The following SPTLC2 variants were observed in gnomAD, a reference collection of about 807,000 sequenced individuals.
SPTLC2 encodes the protein serine palmitoyltransferase long chain base subunit 2.
SPTLC2 carries 21 observed loss-of-function variants against 62.0 expected under a neutral mutation model. That is an observed-to-expected ratio of 0.34 (90% CI 0.24 to 0.49). The LOEUF is 0.49. SPTLC2 is among the 20% of genes least tolerant of loss of function. The pLI, the probability that SPTLC2 is intolerant of heterozygous loss-of-function variation, is 0.99. For missense variants in SPTLC2, 511 were observed against 713.0 expected (o/e 0.72, Z 3.23); for synonymous variants, 261 against 261.8 (o/e 1.00, Z 0.03).
chr14:77,581,230 G>C (rs763193974), intron 2 of SPTLC2, among the ~76,000 whole-genome samples: 16 of 152,134 alleles, frequency 1.1e-4, no homozygotes, highest in Non-Finnish European at 1.9e-4. Context: ...GCCTTATTCT[G>C]TAAAAGATTT....
At chr14:77,540,018 G>A (rs1278474004) in intron 9 of SPTLC2, among the ~76,000 whole-genome samples, 4 of 151,960 alleles carry the variant, frequency 2.6e-5, no homozygotes, top group African/African-American at 4.8e-5. Context: ...CCAACATGAA[G>A]AAACCCTGTC....
intron 9 of SPTLC2, among the ~76,000 whole-genome samples, chr14:77,540,634 C>G (rs1173016124): frequency 2.0e-5 from 3 of 152,068 alleles, no homozygotes; most frequent in Non-Finnish European, 4.4e-5. Context: ...GCCACCACAC[C>G]TGGCTAATTT....
chr14:77,571,508 C>CA (rs71128649), intron 4 of SPTLC2, among the ~76,000 whole-genome samples: 36,551 of 132,286 alleles, frequency 0.28, 5,039 homozygotes, highest in South Asian at 0.37. Context: ...GACTCTGACT[C>CA]AAAAAAAAAA....
At chr14:77,548,132 A>G (rs1213647784) in intron 9 of SPTLC2, among the ~76,000 whole-genome samples, 3 of 152,146 alleles carry the variant, frequency 2.0e-5, no homozygotes, top group African/African-American at 7.2e-5. Flanking sequence ...GCGTTCTGAC[A>G]TTATTTAAAA....
intron 6 of SPTLC2, among the ~76,000 whole-genome samples, chr14:77,558,626 GTT>G (rs11412876): frequency 7.0e-6 from 1 of 143,728 alleles, no homozygotes. Context: ...CAGTTTTTTT[GTT>G]TTTTTTTTTT....
At chr14:77,589,934 T>C (rs764535702) in intron 2 of SPTLC2, among the ~76,000 whole-genome samples, 2 of 147,584 alleles carry the variant, frequency 1.4e-5, no homozygotes, top group African/African-American at 5.1e-5. Context: ...GCTGAGATCA[T>C]GCGATTGCAC....
In SPTLC2 at chr14:77,576,973, A is replaced by G. The variant is rs75555387; in HGVS notation, c.483-58T>C. On this transcript the variant is annotated intron_variant, in intron 3 of 11. Coordinates refer to ENST00000216484, the MANE Select transcript of SPTLC2 (RefSeq NM_004863.4). ...ATGAGCAAAAAAGTACTTACATGTA[A>G]TATTAAATGAACTGGTGACACAAAA... 1,226 of 1,594,248 alleles carry G rather than the reference A, an allele frequency of 7.7e-4. 12 individuals are homozygous for G. In the African/African-American group the frequency reaches 0.014, roughly 18 times the overall value.
At chr14:77,615,484 T>C (rs1334624968) in intron 1 of SPTLC2, among the ~76,000 whole-genome samples, 2 of 152,220 alleles carry the variant, frequency 1.3e-5, no homozygotes, top group African/African-American at 4.8e-5. Flanking sequence ...TAAGCGTTCC[T>C]TAATATCTGT....
At chr14:77,613,634 T>G (rs1415153594) in intron 1 of SPTLC2, among the ~76,000 whole-genome samples, 1 of 152,208 alleles carries the variant, frequency 6.6e-6, no homozygotes, top group East Asian at 1.9e-4. Context: ...TCCTAGACGT[T>G]TCTGACTTCT....
chr14:77,592,821 G>C (rs1405831270), intron 2 of SPTLC2, among the ~76,000 whole-genome samples: 1 of 152,020 alleles, frequency 6.6e-6, no homozygotes, highest in Non-Finnish European at 1.5e-5. Context: ...ACTTATAAGT[G>C]AGAACAGGCT....
At chr14:77,567,064 G>A (rs1418277585) in intron 5 of SPTLC2, among the ~76,000 whole-genome samples, 2 of 151,660 alleles carry the variant, frequency 1.3e-5, no homozygotes, top group Non-Finnish European at 2.9e-5. Flanking sequence ...TCCGCCTCCC[G>A]GGTTCACGCC....
chr14:77,554,304 C>T (rs1469099844), intron 8 of SPTLC2, among the ~76,000 whole-genome samples: 1 of 152,144 alleles, frequency 6.6e-6, no homozygotes, highest in East Asian at 1.9e-4. Context: ...CGTTTTAAAG[C>T]ACAATTCAGT....
At chr14:77,570,651 A>T in intron 4 of SPTLC2, 143 bp from the exon 5 acceptor site, 19 of 917,842 alleles carry the variant, frequency 2.1e-5, no homozygotes, top group South Asian at 2.9e-5. Flanking sequence ...ATGAAGAGTA[A>T]TATTCTTCAT....
rs74063297 is a variant in SPTLC2 at position 77,555,293 on chromosome 14, C to T, written c.1176+7G>A. On this transcript the variant is annotated splice_region_variant and intron_variant, in intron 8 of 11. Coordinates refer to ENST00000216484, the MANE Select transcript of SPTLC2 (RefSeq NM_004863.4). ...TCTCTAATCGCTCATTCTCATGGCTCGTTTACCTTCTTGCCTCCAATATAT... is the reference window on the plus strand; with the variant it reads ...TCTCTAATCGCTCATTCTCATGGCTTGTTTACCTTCTTGCCTCCAATATAT... 1,152 of 1,614,040 alleles carry T rather than the reference C, an allele frequency of 7.1e-4. 10 individuals are homozygous for T. The African/African-American group carries it at 0.013, about 18-fold the overall frequency.
In SPTLC2 at chr14:77,564,265, GGAA is replaced by G. The variant is rs1448739183; in HGVS notation, c.757-1779_757-1777del. On this transcript the variant is annotated intron_variant, in intron 5 of 11. Coordinates refer to ENST00000216484, the MANE Select transcript of SPTLC2 (RefSeq NM_004863.4). ...AAAAAAAAAAAAAGGAGGAGGAGGA[GGAA>G]GAGGAGGAAGAGGAGGAAAAGGAGG... Among the ~76,000 whole-genome samples the G allele has an allele frequency of 2.7e-3, 386 of 140,490 alleles. 3 individuals carry two copies. Among genetic ancestry groups the G allele is most frequent in the Admixed American group, 4.7e-3 (64 of 13,760 alleles). 92.2% of individuals were successfully genotyped at this position (140,490 alleles called of 152,430 possible).
chr14:77,591,750 T>A (rs2079818814), intron 2 of SPTLC2, among the ~76,000 whole-genome samples: 1 of 149,986 alleles, frequency 6.7e-6, no homozygotes, highest in Admixed American at 6.7e-5. Flanking sequence ...TTAGACGGAG[T>A]TTCTCTCTTG....
chr14:77,575,347 A>G (rs1339680517), intron 4 of SPTLC2, among the ~76,000 whole-genome samples: 2 of 152,190 alleles, frequency 1.3e-5, no homozygotes, highest in Non-Finnish European at 2.9e-5. Context: ...CAGAGTTGCT[A>G]TGGAAGATTA....
chr14:77,611,916 AT>A (rs756603996), intron 1 of SPTLC2, among the ~76,000 whole-genome samples: 1 of 151,638 alleles, frequency 6.6e-6, no homozygotes, highest in Non-Finnish European at 1.5e-5. Context: ...AGTAAAAATT[AT>A]TTTTTTAAAA....
chr14:77,540,619 C>T (rs1437581367), intron 9 of SPTLC2, among the ~76,000 whole-genome samples: 1 of 152,046 alleles, frequency 6.6e-6, no homozygotes, highest in Non-Finnish European at 1.5e-5. Context: ...GGACTACAGA[C>T]GGCCGCCACC....
Sources: gnomAD v4.1 joint callset for allele counts (sites outside exome capture counted in the v4.1 genomes callset) on GRCh38, gnomAD v4.1.1 for gene constraint, MANE v1.5 for transcripts, NCBI Gene and HGNC (gene_info 2026-07-23, HGNC 2026-07-21) for gene names.